COL19A1: variants seen among roughly 807,000 people sequenced by gnomAD.
The protein encoded by COL19A1 is collagen type XIX alpha 1 chain.
A neutral mutation model predicts 190.2 loss-of-function variants in COL19A1; 159 were observed. The observed-to-expected ratio is 0.84, with a 90% confidence interval of 0.73 to 0.95. COL19A1 has a LOEUF of 0.95. Among genes scored for constraint, COL19A1 ranks in the 40% least tolerant of loss-of-function variants. The probability of loss-of-function intolerance (pLI) is 0.00; values close to 1 mark genes in which losing one functional copy is unlikely to be tolerated. For synonymous variants in COL19A1, 509 were observed against 458.9 expected (o/e 1.11, Z -1.39); for missense variants, 1,418 against 1,431.9 (o/e 0.99, Z 0.16).
Position 69,974,881 on chromosome 6 carries a change from A to C in COL19A1, c.1026+12011A>C, listed in dbSNP as rs910123439. On this transcript the variant is annotated intron_variant, in intron 11 of 50. Coordinates refer to ENST00000620364, the MANE Select transcript of COL19A1 (RefSeq NM_001858.6). ...AGGCTGGAGTGCAGTGGAGCGATCT[A>C]GGCTCACTGCAAGCTCCACCTCCCG... 3.8e-5 allele frequency among the ~76,000 whole-genome samples: 5 copies of C among 129,892 alleles called. No homozygotes were observed. In the Admixed American group the frequency reaches 4.8e-4, roughly 13 times the overall value. The allele number at this position is 129,892 out of a possible 152,430, so 85.2% of individuals were successfully genotyped here.
chr6:69,874,779 A>G, intron 1 of COL19A1, among the ~76,000 whole-genome samples: 1 of 152,132 alleles, frequency 6.6e-6, no homozygotes, highest in East Asian at 1.9e-4. Context: ...AGAAGTGTGC[A>G]AAGAGAAATA....
intron 4 of COL19A1, among the ~76,000 whole-genome samples, chr6:69,904,434 G>A (rs1034550265): frequency 5.3e-5 from 8 of 152,194 alleles, no homozygotes; most frequent in Non-Finnish European, 8.8e-5. Context: ...CATCTCAGAG[G>A]TGGAGCAAGA....
At chr6:70,085,194 C>G (rs994699129) in intron 15 of COL19A1, among the ~76,000 whole-genome samples, 1 of 152,190 alleles carries the variant, frequency 6.6e-6, no homozygotes, top group Non-Finnish European at 1.5e-5. Flanking sequence ...TTTTGGAATC[C>G]GAAGACTTTT....
At chr6:70,175,690 AT>A (rs1362132986) in intron 41 of COL19A1, among the ~76,000 whole-genome samples, 18 of 151,784 alleles carry the variant, frequency 1.2e-4, no homozygotes, top group African/African-American at 3.1e-4. Flanking sequence ...TATTCTTTTA[AT>A]TTTTTTATCC....
At chr6:70,184,833 G>A in intron 45 of COL19A1, 38 bp from the exon 46 acceptor site, 1 of 1,610,976 alleles carries the variant, frequency 6.2e-7, no homozygotes, top group Non-Finnish European at 8.5e-7. Flanking sequence ...GAAAAATCTT[G>A]GCAAGGAGTG....
chr6:69,871,921 A>G (rs1333530531), intron 1 of COL19A1, among the ~76,000 whole-genome samples: 2 of 146,842 alleles, frequency 1.4e-5, no homozygotes, highest in Non-Finnish European at 3.0e-5. Context: ...GGTTCAAGTG[A>G]TTCTCCTGCC....
intron 16 of COL19A1, among the ~76,000 whole-genome samples, chr6:70,118,503 G>A (rs1032806693): frequency 6.6e-6 from 1 of 152,064 alleles, no homozygotes; most frequent in African/African-American, 2.4e-5. Context: ...TTGCCTGCAG[G>A]GTAGACGGTT....
intron 48 of COL19A1, among the ~76,000 whole-genome samples, chr6:70,198,207 G>A (rs369362028): frequency 3.0e-4 from 45 of 152,252 alleles, no homozygotes; most frequent in East Asian, 9.6e-4. Context: ...GACGGCTATC[G>A]TTTCTACTGC....
At chr6:69,931,530 A>G (rs1303365537) in intron 6 of COL19A1, among the ~76,000 whole-genome samples, 1 of 152,180 alleles carries the variant, frequency 6.6e-6, no homozygotes, top group Non-Finnish European at 1.5e-5. Context: ...GATAACAGTG[A>G]TAATAAAAAA....
intron 16 of COL19A1, among the ~76,000 whole-genome samples, chr6:70,108,784 A>G (rs1156387227): frequency 6.6e-6 from 1 of 152,126 alleles, no homozygotes; most frequent in African/African-American, 2.4e-5. Flanking sequence ...CTTCTTTTCT[A>G]AAACAAGTCT....
At chr6:70,021,472 A>G (rs1778412277) in intron 11 of COL19A1, among the ~76,000 whole-genome samples, 1 of 152,164 alleles carries the variant, frequency 6.6e-6, no homozygotes, top group Admixed American at 6.5e-5. Context: ...ATTGGTATCC[A>G]TGGAATTATA....
At chr6:70,206,689 A>G (rs1383735989) in intron 49 of COL19A1, among the ~76,000 whole-genome samples, 1 of 151,364 alleles carries the variant, frequency 6.6e-6, no homozygotes, top group Non-Finnish European at 1.5e-5. Context: ...TAGTAATTGC[A>G]TGTTTTTTAA....
chr6:69,942,459 C>T (rs937948496), intron 9 of COL19A1, among the ~76,000 whole-genome samples: 1 of 152,066 alleles, frequency 6.6e-6, no homozygotes, highest in African/African-American at 2.4e-5. Flanking sequence ...TGCTATTGAA[C>T]AGAAGAGCTT....
chr6:70,073,470 G>A (rs1315793570), intron 15 of COL19A1, among the ~76,000 whole-genome samples: 1 of 152,162 alleles, frequency 6.6e-6, no homozygotes, highest in Non-Finnish European at 1.5e-5. Flanking sequence ...ATCTCAAGAT[G>A]TTTATAGAAG....
At chr6:70,132,069 A>G (rs1263893514) in intron 18 of COL19A1, among the ~76,000 whole-genome samples, 1 of 152,192 alleles carries the variant, frequency 6.6e-6, no homozygotes, top group East Asian at 1.9e-4. Flanking sequence ...ACTTTTAAAA[A>G]GCGTGATTAA....
In COL19A1 at chr6:70,034,238, T is replaced by C. The variant is rs1310817360; in HGVS notation, c.1081-7T>C. 1.2e-6 allele frequency: 2 copies of C among 1,604,274 alleles called. No homozygotes were observed. ...TGAACTGTGTATTGGTTATATTCTTTCTACAGGGTTTGAAAGGTGACTTGG... is the reference window on the plus strand; with the variant it reads ...TGAACTGTGTATTGGTTATATTCTTCCTACAGGGTTTGAAAGGTGACTTGG... On this transcript the variant is annotated splice_region_variant and splice_polypyrimidine_tract_variant and intron_variant, in intron 12 of 50. Coordinates refer to ENST00000620364, the MANE Select transcript of COL19A1 (RefSeq NM_001858.6).
chr6:70,066,633 A>G (rs1335959226), intron 14 of COL19A1, among the ~76,000 whole-genome samples: 1 of 151,932 alleles, frequency 6.6e-6, no homozygotes, highest in Non-Finnish European at 1.5e-5. Context: ...TTTAGTTTAT[A>G]TGAAAAAAAT....
intron 16 of COL19A1, among the ~76,000 whole-genome samples, chr6:70,118,333 T>C (rs1259090840): frequency 6.6e-6 from 1 of 152,220 alleles, no homozygotes; most frequent in Non-Finnish European, 1.5e-5. Context: ...TTATAGCTTA[T>C]TAATGACCAC....
intron 4 of COL19A1, among the ~76,000 whole-genome samples, chr6:69,924,493 A>G (rs1458839488): frequency 2.0e-5 from 3 of 152,144 alleles, no homozygotes; most frequent in Admixed American, 2.0e-4. Flanking sequence ...TTCTTAATCC[A>G]GTCTATCATT....
Sources: gnomAD v4.1 joint callset for allele counts (sites outside exome capture counted in the v4.1 genomes callset) on GRCh38, gnomAD v4.1.1 for gene constraint, MANE v1.5 for transcripts, NCBI Gene and HGNC (gene_info 2026-07-23, HGNC 2026-07-21) for gene names.